The following RARB variants were observed in gnomAD, a reference collection of about 807,000 sequenced individuals.
The protein encoded by RARB is HBV-activated protein.
A neutral mutation model predicts 51.9 loss-of-function variants in RARB; 17 were observed. That is an observed-to-expected ratio of 0.33 (90% CI 0.22 to 0.49). The LOEUF (loss-of-function observed/expected upper bound fraction) is 0.49, where lower values mean the gene tolerates loss of function less well. Ranked by LOEUF, RARB falls within the 20% of genes least tolerant of loss-of-function variation. RARB has a pLI of 0.99. For synonymous variants in RARB, 215 were observed against 195.4 expected, an observed-to-expected ratio of 1.10 and a Z score of -0.84; for missense variants, 369 against 550.8, an observed-to-expected ratio of 0.67 and a Z score of 3.30.
intron 2 of RARB, among the ~76,000 whole-genome samples, chr3:24,992,067 G>A (rs1010950700): frequency 2.6e-5 from 4 of 152,076 alleles, no homozygotes; most frequent in African/African-American, 4.8e-5. Context: ...TGCAACTCCA[G>A]CAGGGCTCTG....
chr3:25,414,055 G>T (rs1707637477), intron 5 of RARB, among the ~76,000 whole-genome samples: 1 of 118,452 alleles, frequency 8.4e-6, no homozygotes, highest in African/African-American at 3.5e-5. Flanking sequence ...TTGTAATCTT[G>T]CCCTCCTGTC....
intron 4 of RARB, among the ~76,000 whole-genome samples, chr3:25,571,138 GTGGCACCAGCTTCTGAAGGGC>G (rs1700694925): frequency 6.6e-6 from 1 of 152,236 alleles, no homozygotes; most frequent in Admixed American, 6.5e-5. Flanking sequence ...ACACAGTTGG[GTGGCACCAGCTTCTGAAGGGC>G]TGGCACCCAC....
rs1696312920 is a variant in RARB at position 24,967,951 on chromosome 3, T to C, written c.-379-92174T>C. On this transcript the variant is annotated intron_variant, in intron 2 of 11. Transcript: ENST00000383772. ...GCAGTAGCAACAAACACTATTATCA[T>C]TAGAGTTTCCGGAAGCAAGCATAAC... is the stretch of plus-strand genomic sequence containing the variant. 2.0e-5 allele frequency among the ~76,000 whole-genome samples: 3 copies of C among 152,132 alleles called. No homozygotes were observed. The South Asian group carries it at 6.2e-4, about 31-fold the overall frequency.
chr3:25,436,966 G>C (rs531366736), intron 1 of RARB, among the ~76,000 whole-genome samples: 5 of 152,136 alleles, frequency 3.3e-5, no homozygotes, highest in Non-Finnish European at 7.4e-5. Context: ...GGGAATAATA[G>C]TGTCTACATT....
intron 2 of RARB, among the ~76,000 whole-genome samples, chr3:24,895,962 A>G (rs548042766): frequency 1.3e-5 from 2 of 152,326 alleles, no homozygotes; most frequent in East Asian, 1.9e-4. Context: ...GAAACAAATC[A>G]TATCTATAAA....
chr3:25,509,135 T>C (rs777198721), intron 3 of RARB, among the ~76,000 whole-genome samples: 12 of 152,346 alleles, frequency 7.9e-5, no homozygotes, highest in Middle Eastern at 3.4e-3. Context: ...CAAAGGGCTT[T>C]GAAGTTAGCC....
At chr3:25,569,587 G>A (rs772278972) in intron 3 of RARB, among the ~76,000 whole-genome samples, 171 bp from the exon 4 acceptor site, 24 of 152,156 alleles carry the variant, frequency 1.6e-4, no homozygotes, top group African/African-American at 2.4e-4. Context: ...CCGGGGTCCC[G>A]CGGCTGCCAA....
At chr3:25,448,656 A>G (rs1270369349) in intron 1 of RARB, among the ~76,000 whole-genome samples, 2 of 152,064 alleles carry the variant, frequency 1.3e-5, no homozygotes, top group African/African-American at 4.8e-5. Flanking sequence ...TAGTAGAGAT[A>G]GGGTTTCTTC....
At chr3:24,884,968 AAAAAAG>A (rs1204989447) in intron 2 of RARB, among the ~76,000 whole-genome samples, 2 of 152,204 alleles carry the variant, frequency 1.3e-5, no homozygotes, top group African/African-American at 4.8e-5. Flanking sequence ...CTGCGTATTC[AAAAAAG>A]AAAAGGCAGG....
At chr3:25,189,455 G>A (rs1243140407) in intron 5 of RARB, among the ~76,000 whole-genome samples, 3 of 152,058 alleles carry the variant, frequency 2.0e-5, no homozygotes, top group Admixed American at 6.5e-5. Context: ...CCTCCCCTAG[G>A]AGCAGGGGCC....
At chr3:25,081,141 C>A (rs1698986040) in intron 3 of RARB, among the ~76,000 whole-genome samples, 1 of 152,066 alleles carries the variant, frequency 6.6e-6, no homozygotes, top group Non-Finnish European at 1.5e-5. Flanking sequence ...AGATTGGGTA[C>A]ATTGAGTTCT....
At chr3:24,992,845 G>A (rs1269715158) in intron 2 of RARB, among the ~76,000 whole-genome samples, 1 of 151,826 alleles carries the variant, frequency 6.6e-6, no homozygotes, top group East Asian at 1.9e-4. Flanking sequence ...TTTTGAAGTA[G>A]CATTAGGGAT....
At chr3:25,177,996 G>A (rs2125355542) in intron 5 of RARB, among the ~76,000 whole-genome samples, 1 of 152,212 alleles carries the variant, frequency 6.6e-6, no homozygotes, top group South Asian at 2.1e-4. Context: ...AATAGGCAAT[G>A]ATTTCACGTA....
intron 2 of RARB, among the ~76,000 whole-genome samples, chr3:25,018,631 G>T (rs1697564930): frequency 6.6e-6 from 1 of 152,150 alleles, no homozygotes; most frequent in African/African-American, 2.4e-5. Context: ...ACAGTCATTT[G>T]AAATGTTAAG....
intron 3 of RARB, among the ~76,000 whole-genome samples, chr3:25,503,806 G>T (rs1442396425): frequency 2.6e-5 from 4 of 152,164 alleles, no homozygotes; most frequent in African/African-American, 9.7e-5. Flanking sequence ...CAACTGAAAT[G>T]AAACCAAGAA....
chr3:25,128,568 C>G (rs1699897022), intron 3 of RARB, among the ~76,000 whole-genome samples: 1 of 150,864 alleles, frequency 6.6e-6, no homozygotes, highest in African/African-American at 2.4e-5. Flanking sequence ...CAGGAGGCAG[C>G]CTTTATTTTG....
rs1459261154 is a variant in RARB, at chr3:25,201,665, CT to C, written c.178+27094del. Among the ~76,000 whole-genome samples, 3 of 152,080 alleles carry C rather than the reference CT, an allele frequency of 2.0e-5. No homozygotes were observed. The East Asian group carries it at 5.8e-4, about 29-fold the overall frequency. Reference sequence around the variant, plus strand: ...AGCGTTGTTGAGTTTTGTCAAAGGCCTTTTCTGCATCTGTTGAGATAATCAT... The same window carrying C: ...AGCGTTGTTGAGTTTTGTCAAAGGCCTTTCTGCATCTGTTGAGATAATCAT... On this transcript the variant is annotated intron_variant, in intron 5 of 11. Transcript: ENST00000383772.
intron 2 of RARB, among the ~76,000 whole-genome samples, chr3:24,942,816 T>A (rs1695695898): frequency 6.6e-6 from 1 of 152,194 alleles, no homozygotes; most frequent in Non-Finnish European, 1.5e-5. Context: ...TCTATTAACT[T>A]ATGGATTCAA....
intron 5 of RARB, among the ~76,000 whole-genome samples, chr3:25,254,902 G>T (rs1352764762): frequency 6.6e-6 from 1 of 150,788 alleles, no homozygotes. Flanking sequence ...TATTATTGAG[G>T]CACTACCTTA....
Sources: allele counts gnomAD v4.1 joint callset (sites outside exome capture counted in the v4.1 genomes callset), GRCh38; gene constraint gnomAD v4.1.1; transcripts MANE v1.5; gene names NCBI Gene and HGNC (gene_info 2026-07-23, HGNC 2026-07-21).